The following DNAH8 variants were observed in gnomAD, a reference collection of about 807,000 sequenced individuals.
The protein encoded by DNAH8 is dynein axonemal heavy chain 8.
In DNAH8, 382 loss-of-function variants were observed where a neutral mutation model predicts 562.1. The ratio of observed to expected loss-of-function variants is 0.68; its 90% CI spans 0.63 to 0.74. DNAH8 has a LOEUF of 0.74. Among genes scored for constraint, DNAH8 ranks in the 30% least tolerant of loss-of-function variants. DNAH8 has a pLI of 0.00. For missense variants in DNAH8, 5,203 were observed against 5,620.4 expected (o/e 0.93, Z 2.37); for synonymous variants, 1,881 against 1,919.4 (o/e 0.98, Z 0.52).
chr6:38,916,828 C>T (rs919381636), intron 68 of DNAH8, among the ~76,000 whole-genome samples: 3 of 152,154 alleles, frequency 2.0e-5, no homozygotes, highest in African/African-American at 7.2e-5. Flanking sequence ...AATTCCTCTC[C>T]CTGCCATAGA....
chr6:38,898,780 T>C (rs961097439), intron 61 of DNAH8, among the ~76,000 whole-genome samples: 16 of 152,272 alleles, frequency 1.1e-4, no homozygotes, highest in African/African-American at 2.9e-4. Flanking sequence ...AATGTTATGA[T>C]TGACTTACAG....
intron 61 of DNAH8, among the ~76,000 whole-genome samples, chr6:38,899,339 T>TTAG (rs1184189966): frequency 2.6e-5 from 4 of 152,198 alleles, no homozygotes; most frequent in Non-Finnish European, 5.9e-5. Context: ...TATGATAGAG[T>TTAG]TAGTGTTCAT....
At chr6:38,769,587 C>T (rs1476893315) in intron 11 of DNAH8, among the ~76,000 whole-genome samples, 1 of 152,116 alleles carries the variant, frequency 6.6e-6, no homozygotes, top group African/African-American at 2.4e-5. Context: ...CTGCAGTGGG[C>T]AGAATAACGG....
At chr6:38,873,727 T>TACACAC (rs762717515) in intron 52 of DNAH8, among the ~76,000 whole-genome samples, 7,758 of 96,198 alleles carry the variant, frequency 0.081, 263 homozygotes, top group Non-Finnish European at 0.1. Context: ...CACATACACC[T>TACACAC]ACACACACAC....
intron 82 of DNAH8, among the ~76,000 whole-genome samples, chr6:38,965,380 G>T (rs990956181): frequency 1.3e-5 from 2 of 152,124 alleles, no homozygotes; most frequent in African/African-American, 4.8e-5. Flanking sequence ...TGAAATGAAG[G>T]TAAGGGATTG....
rs1351414519 is a variant in DNAH8, at chr6:39,008,984, G to A, written c.13371+14G>A. The A allele has an allele frequency of 2.5e-6, 4 of 1,581,702 alleles. No homozygotes were observed. In the African/African-American group the frequency reaches 5.4e-5, roughly 21 times the overall value. The stretch of plus-strand genomic sequence containing the variant: ...ATTCCTCATGAGGTAAGTCTTGCTG[G>A]TTTCCCACTGGCATACAGGGCTATT... On this transcript the variant is annotated intron_variant, in intron 89 of 92. Transcript: ENST00000327475.
intron 78 of DNAH8, among the ~76,000 whole-genome samples, chr6:38,938,512 G>A (rs959842368): frequency 6.6e-6 from 1 of 152,110 alleles, no homozygotes; most frequent in African/African-American, 2.4e-5. Flanking sequence ...ATACCGCATA[G>A]TCTCATTTAT....
intron 26 of DNAH8, among the ~76,000 whole-genome samples, chr6:38,819,640 G>A (rs1038755156): frequency 3.3e-5 from 5 of 152,050 alleles, no homozygotes; most frequent in Non-Finnish European, 5.9e-5. Flanking sequence ...GTTTACTAGA[G>A]ATCTTCATTA....
chr6:38,939,149 G>A (rs189283324), intron 79 of DNAH8, among the ~76,000 whole-genome samples, 161 bp downstream of exon 79: 93 of 152,104 alleles, frequency 6.1e-4, no homozygotes, highest in Middle Eastern at 3.4e-3. Flanking sequence ...TTTTTCATTC[G>A]TTTTGCCCTA....
chr6:38,751,258 C>G (rs980613887), intron 9 of DNAH8, among the ~76,000 whole-genome samples: 13 of 152,168 alleles, frequency 8.5e-5, no homozygotes, highest in African/African-American at 2.4e-4. Flanking sequence ...AACTTGCTTC[C>G]CTTGGAGTGA....
intron 63 of DNAH8, among the ~76,000 whole-genome samples, chr6:38,907,309 G>A (rs1375796924): frequency 6.6e-6 from 1 of 152,196 alleles, no homozygotes; most frequent in Non-Finnish European, 1.5e-5. Flanking sequence ...AAGCCCACTT[G>A]AGATTCAGAG....
chr6:38,923,110 C>G lies in DNAH8; in HGVS notation c.10715C>G (p.Thr3572Ser), dbSNP rs763251337. Reference sequence around the variant, plus strand: ...CGGAAAAAGATGCAGGCCGCCTCCACTCTCATCGATGGGCTGAGTGGAGAA... The same window carrying G: ...CGGAAAAAGATGCAGGCCGCCTCCAGTCTCATCGATGGGCTGAGTGGAGAA... ...TCRKKMQAAS[T>S]LIDGLSGEKI... The change falls in exon 72 of 93, where the codon ACT becomes AGT. Residue 3572 changes from threonine (T) to serine (S), a missense_variant. By Grantham distance (58) the Thr-to-Ser change is moderately conservative. Around this residue, in one of 6 missense-constraint regions of DNAH8, gnomAD observed 1,399 missense variants for 1,518.4 expected, o/e 0.92. Coordinates refer to ENST00000327475, the MANE Select transcript of DNAH8 (RefSeq NM_001206927.2). 1.2e-6 allele frequency: 2 copies of G among 1,613,832 alleles called. No homozygotes were observed. The highest frequency in any genetic ancestry group is 1.7e-6 in the Non-Finnish European group (2 of 1,179,848).
chr6:38,759,330 CAAA>C (rs1448213626), intron 10 of DNAH8, among the ~76,000 whole-genome samples: 5 of 151,902 alleles, frequency 3.3e-5, no homozygotes, highest in Admixed American at 6.6e-5. Context: ...AACAAACAAA[CAAA>C]CAAACAAACC....
At position 38,937,918 on chromosome 6, in the gene DNAH8, C is replaced by T. The variant is rs552957226; in HGVS notation, c.11564-56C>T. The T allele has an allele frequency of 4.6e-5, 71 of 1,557,874 alleles. No homozygotes were observed. In the African/African-American group the frequency reaches 7.3e-4, roughly 16 times the overall value. ...TTTTTTTTTTTCAGAAGAGATGTAT[C>T]TTGCTTTGCAAGTTTCCCGTCTTGT... On this transcript the variant is annotated intron_variant, in intron 77 of 92. Coordinates refer to ENST00000327475, the MANE Select transcript of DNAH8 (RefSeq NM_001206927.2).
chr6:38,827,872 A>G (rs1382059588), intron 29 of DNAH8, among the ~76,000 whole-genome samples: 1 of 149,202 alleles, frequency 6.7e-6, no homozygotes, highest in African/African-American at 2.5e-5. Context: ...TTGTATAGTC[A>G]ACCCCTGTTT....
At chr6:38,860,403 G>T in intron 42 of DNAH8, 54 bp from the exon 43 acceptor site, 1 of 1,081,792 alleles carries the variant, frequency 9.2e-7, no homozygotes. Flanking sequence ...ACATGCTTAT[G>T]TTTTATGCTA....
intron 10 of DNAH8, among the ~76,000 whole-genome samples, chr6:38,758,929 G>A (rs955387338): frequency 3.3e-5 from 5 of 152,090 alleles, no homozygotes; most frequent in Admixed American, 6.6e-5. Flanking sequence ...GATTCGGTTT[G>A]CCAGTATTTT....
chr6:39,026,742 CTA>C (rs1767316103), intron 92 of DNAH8, 75 bp downstream of exon 92: 2 of 1,512,900 alleles, frequency 1.3e-6, no homozygotes, highest in Non-Finnish European at 1.8e-6. Flanking sequence ...TAAAACTGAG[CTA>C]TGAGTGCCTT....
intron 88 of DNAH8, among the ~76,000 whole-genome samples, chr6:39,005,724 T>C (rs1459427026): frequency 6.6e-6 from 1 of 152,244 alleles, no homozygotes; most frequent in Non-Finnish European, 1.5e-5. Flanking sequence ...TATAGGTATA[T>C]AGTTATTTTA....
Sources: allele counts gnomAD v4.1 joint callset (sites outside exome capture counted in the v4.1 genomes callset), GRCh38; gene constraint gnomAD v4.1.1; regional missense constraint gnomAD v4.1.1; transcripts MANE v1.5; gene names NCBI Gene and HGNC (gene_info 2026-07-23, HGNC 2026-07-21).